DPP6: variants seen among roughly 807,000 people sequenced by gnomAD.
DPP6 encodes the protein A-type potassium channel modulatory protein DPP6.
A neutral mutation model predicts 122.6 loss-of-function variants in DPP6; 69 were observed. The observed-to-expected ratio is 0.56, with a 90% CI of 0.46 to 0.69. DPP6 has a LOEUF of 0.69. Among genes scored for constraint, DPP6 ranks in the 30% least tolerant of loss-of-function variants. DPP6 has a pLI of 0.00. For missense variants in DPP6, 928 were observed against 1,116.9 expected (o/e 0.83, Z 2.41); for synonymous variants, 418 against 433.1 (o/e 0.97, Z 0.43).
intron 1 of DPP6, among the ~76,000 whole-genome samples, chr7:153,935,849 CCT>C (rs1366137276): frequency 1.1e-4 from 16 of 152,190 alleles, no homozygotes; most frequent in Non-Finnish European, 2.4e-4. Flanking sequence ...ACCTGTGCCC[CCT>C]GATATTCTAA....
intron 1 of DPP6, among the ~76,000 whole-genome samples, chr7:153,999,564 G>T (rs758021235): frequency 6.6e-5 from 10 of 152,182 alleles, no homozygotes; most frequent in Non-Finnish European, 1.5e-4. Flanking sequence ...TCCTTTGAAT[G>T]GAGGTAGAGT....
chr7:154,454,882 G>A (rs148815264), intron 2 of DPP6, among the ~76,000 whole-genome samples: 1,710 of 152,198 alleles, frequency 0.011, 23 homozygotes, highest in Non-Finnish European at 0.017. Flanking sequence ...CTGCTTGAGC[G>A]TTTATCCAAG....
intron 1 of DPP6, among the ~76,000 whole-genome samples, chr7:154,342,843 G>A (rs1243928817): frequency 2.0e-5 from 3 of 152,202 alleles, no homozygotes; most frequent in Non-Finnish European, 4.4e-5. Context: ...GAGGCTACCA[G>A]TGCTGAACTG....
chr7:154,645,809 A>G (rs1289092623), intron 6 of DPP6, among the ~76,000 whole-genome samples: 1 of 152,052 alleles, frequency 6.6e-6, no homozygotes, highest in Non-Finnish European at 1.5e-5. Context: ...CGGGTGGATC[A>G]CAAAGTCAGG....
chr7:154,029,478 C>T (rs538124097), intron 1 of DPP6, among the ~76,000 whole-genome samples: 3 of 151,382 alleles, frequency 2.0e-5, no homozygotes, highest in Non-Finnish European at 4.4e-5. Context: ...GATCGCACCA[C>T]TGTACTCCAG....
At chr7:154,729,631 C>T (rs1842237529) in intron 8 of DPP6, among the ~76,000 whole-genome samples, 1 of 152,146 alleles carries the variant, frequency 6.6e-6, no homozygotes, top group Non-Finnish European at 1.5e-5. Flanking sequence ...CTAAATCTGT[C>T]TTCCAGAGAC....
In DPP6 at chr7:153,973,835, T is replaced by A. The variant is rs550320019; in HGVS notation, c.51+86101T>A. On this transcript the variant is annotated intron_variant, in intron 1 of 25. Transcript: ENST00000404039. ...TCAGGAAAGAGTACCTGTAATATTT[T>A]GCACTGTTCATTTTTAGTATAGAAG... 1.4e-4 allele frequency among the ~76,000 whole-genome samples: 21 copies of A among 147,350 alleles called. 1 individual carries two copies. In the South Asian group the frequency reaches 4.5e-3, roughly 32 times the overall value.
chr7:154,412,358 T>C (rs894255341), intron 1 of DPP6, among the ~76,000 whole-genome samples: 10 of 152,266 alleles, frequency 6.6e-5, no homozygotes, highest in Non-Finnish European at 1.5e-4. Context: ...CCAGCAAAGC[T>C]TCTCTGCTTG....
At position 153,965,552 on chromosome 7, in the gene DPP6, C is replaced by G. The variant is rs147446149; in HGVS notation, c.51+77818C>G. Among the ~76,000 whole-genome samples, 17 of 151,938 alleles carry G rather than the reference C, an allele frequency of 1.1e-4. No individual in the cohort carries two copies. In the East Asian group the frequency reaches 2.9e-3, roughly 26 times the overall value. On this transcript the variant is annotated intron_variant, in intron 1 of 25. Coordinates refer to the DPP6 transcript ENST00000404039. ...TTTTGAGATGGAGTCTCGCTGTGTC[C>G]CCCAGGTTGGAGCACAGTGGCGCGA...
At chr7:154,056,972 T>C (rs374958782) in intron 1 of DPP6, among the ~76,000 whole-genome samples, 81 of 152,378 alleles carry the variant, frequency 5.3e-4, no homozygotes, top group East Asian at 4.6e-3. Context: ...ATCCCATTAC[T>C]CTCATCACCA....
chr7:154,394,267 GTTTGTT>G (rs1341262222), intron 1 of DPP6, among the ~76,000 whole-genome samples: 1 of 152,018 alleles, frequency 6.6e-6, no homozygotes, highest in African/African-American at 2.4e-5. Flanking sequence ...TTGTTTGTTT[GTTTGTT>G]TTTAACAGTA....
intron 1 of DPP6, among the ~76,000 whole-genome samples, chr7:154,264,770 A>G (rs987326579): frequency 1.3e-5 from 2 of 151,564 alleles, no homozygotes; most frequent in African/African-American, 2.4e-5. Context: ...AGTGATAATG[A>G]TGATGATCCT....
At chr7:154,670,260 G>A (rs752469705) in intron 7 of DPP6, among the ~76,000 whole-genome samples, 14 of 152,128 alleles carry the variant, frequency 9.2e-5, no homozygotes, top group Non-Finnish European at 1.5e-4. Flanking sequence ...CAGCCTTCTC[G>A]GTTTCTATCA....
chr7:153,944,221 C>G (rs1032764693), intron 1 of DPP6, among the ~76,000 whole-genome samples: 1 of 152,208 alleles, frequency 6.6e-6, no homozygotes, highest in Non-Finnish European at 1.5e-5. Flanking sequence ...AGTGTGTGCT[C>G]CGGCCCACCC....
At chr7:154,480,656 A>G (rs576125086) in intron 3 of DPP6, among the ~76,000 whole-genome samples, 1 of 152,258 alleles carries the variant, frequency 6.6e-6, no homozygotes, top group South Asian at 2.1e-4. Flanking sequence ...CCAGTCTTAT[A>G]GTTTTAAATA....
chr7:154,424,017 T>C (rs767313380), intron 1 of DPP6, among the ~76,000 whole-genome samples: 16 of 152,210 alleles, frequency 1.1e-4, no homozygotes, highest in Non-Finnish European at 2.1e-4. Context: ...TTCCCACCAA[T>C]GTGGACACAT....
At chr7:154,811,912 T>A (rs1799085557) in intron 16 of DPP6, among the ~76,000 whole-genome samples, 1 of 152,332 alleles carries the variant, frequency 6.6e-6, no homozygotes, top group Admixed American at 6.5e-5. Flanking sequence ...ATAAATTAAC[T>A]TAGTCTTCTA....
chr7:154,233,310 C>A (rs1407619361), intron 1 of DPP6, among the ~76,000 whole-genome samples: 1 of 152,220 alleles, frequency 6.6e-6, no homozygotes, highest in Non-Finnish European at 1.5e-5. Flanking sequence ...ATAATCTGTT[C>A]ATCAGTGCAG....
chr7:154,728,291 G>A (rs1284815975), intron 8 of DPP6, among the ~76,000 whole-genome samples: 1 of 152,212 alleles, frequency 6.6e-6, no homozygotes, highest in Admixed American at 6.5e-5. Flanking sequence ...GTTTTGCCTT[G>A]GGAAGGGGAC....
Sources: allele counts gnomAD v4.1 joint callset (sites outside exome capture counted in the v4.1 genomes callset), GRCh38; gene constraint gnomAD v4.1.1; transcripts MANE v1.5; gene names NCBI Gene and HGNC (gene_info 2026-07-23, HGNC 2026-07-21).